MROH2A: variants seen among roughly 807,000 people sequenced by gnomAD.
The protein encoded by MROH2A is maestro heat like repeat family member 2A.
A neutral mutation model predicts 200.4 loss-of-function variants in MROH2A; 174 were observed. The ratio of observed to expected loss-of-function variants is 0.87; its 90% CI spans 0.77 to 0.98. The LOEUF is 0.98. Among genes scored for constraint, MROH2A ranks in the 50% least tolerant of loss-of-function variants. The pLI, the probability that MROH2A is intolerant of heterozygous loss-of-function variation, is 0.00. For missense variants in MROH2A, 2,045 were observed against 2,139.6 expected (o/e 0.96, Z 0.87); for synonymous variants, 829 against 840.4 (o/e 0.99, Z 0.23).
At chr2:233,778,856 G>A (rs576942389) in intron 1 of MROH2A, among the ~76,000 whole-genome samples, 2 of 152,272 alleles carry the variant, frequency 1.3e-5, no homozygotes, top group East Asian at 1.9e-4. Flanking sequence ...ATTATCTCAC[G>A]GTTCCACTGG....
chr2:233,781,855 G>C (rs1183342526), intron 3 of MROH2A, among the ~76,000 whole-genome samples: 1 of 152,148 alleles, frequency 6.6e-6, no homozygotes, highest in African/African-American at 2.4e-5. Context: ...CATAGTTTCA[G>C]GTCTTGGATT....
chr2:233,798,859 G>T lies in MROH2A; in HGVS notation c.1329+9G>T. On this transcript the variant is annotated intron_variant, in intron 12 of 41. Coordinates refer to ENST00000389758, the MANE Select transcript of MROH2A (RefSeq NM_001394639.1). ...CTGATACCCGGTCCAAGGTAACAGG[G>T]CAGAGACCTGGAAATGGGGGGCACT... is the stretch of plus-strand genomic sequence containing the variant. 2 of 1,549,126 alleles carry T rather than the reference G, an allele frequency of 1.3e-6. No individual in the cohort carries two copies. The highest frequency in any genetic ancestry group is 1.7e-6 in the Non-Finnish European group (2 of 1,145,750).
chr2:233,795,771 A>G (rs1454038824), intron 9 of MROH2A, 26 bp downstream of exon 9: 1 of 1,550,846 alleles, frequency 6.4e-7, no homozygotes, highest in Admixed American at 2.0e-5. Context: ...TCAGCTGGAC[A>G]AGGGCATTCT....
intron 11 of MROH2A, among the ~76,000 whole-genome samples, chr2:233,797,980 T>C (rs572979565): frequency 6.6e-6 from 1 of 152,364 alleles, no homozygotes; most frequent in Admixed American, 6.5e-5. Flanking sequence ...ATCTTCAAGA[T>C]GAAAACTCTC....
chr2:233,821,985 C>G (rs556258066), intron 31 of MROH2A, 139 bp from the exon 32 acceptor site: 2 of 1,028,634 alleles, frequency 1.9e-6, no homozygotes, highest in African/African-American at 3.2e-5. Flanking sequence ...CAAATTTTGG[C>G]GGCTCCCTCC....
chr2:233,818,029 A>G lies in MROH2A; in HGVS notation c.2989A>G (p.Thr997Ala), dbSNP rs953015204. The change falls in exon 28 of 42, where the codon ACA becomes GCA. Residue 997 changes from threonine (T) to alanine (A), a missense_variant. By Grantham distance (58) the Thr-to-Ala change is moderately conservative. Around this residue, in one of 3 missense-constraint regions of MROH2A, gnomAD observed 1,201 missense variants for 1,311.3 expected, o/e 0.92. Coordinates refer to ENST00000389758, the MANE Select transcript of MROH2A (RefSeq NM_001394639.1). ...CCACCTAAAGCTGGGGCAGTTTGGC[A>G]CAATGGTCGGACTCATTGCCCCGTG... ...CIHLKLGQFGTMVGLIAPCTC... is the reference protein window; with the variant it reads ...CIHLKLGQFGAMVGLIAPCTC... 2.6e-6 allele frequency: 4 copies of G among 1,551,006 alleles called. No individual in the cohort carries two copies. In the East Asian group the frequency reaches 7.3e-5, roughly 28 times the overall value.
Position 233,823,545 on chromosome 2 carries a change from C to T in MROH2A, c.4005-11C>T, listed in dbSNP as rs940012402. 6 of 1,548,950 alleles carry T rather than the reference C, an allele frequency of 3.9e-6. No individual in the cohort carries two copies. Among genetic ancestry groups the T allele is most frequent in the Non-Finnish European group, 5.2e-6 (6 of 1,146,438 alleles). On this transcript the variant is annotated splice_polypyrimidine_tract_variant and intron_variant, in intron 34 of 41. Coordinates refer to ENST00000389758, the MANE Select transcript of MROH2A (RefSeq NM_001394639.1). ...CCGCCTCCACGACCTGGCACTGTCT[C>T]TCCTCTGCAGGCTGTGCATGCAGCA...
At chr2:233,815,058 AT>A (rs1161131277) in intron 26 of MROH2A, among the ~76,000 whole-genome samples, 2 of 152,186 alleles carry the variant, frequency 1.3e-5, no homozygotes, top group Admixed American at 6.5e-5. Flanking sequence ...GATGGCCCAT[AT>A]TCAAATTTCA....
At chr2:233,790,800 GAC>G (rs1701714263) in intron 5 of MROH2A, among the ~76,000 whole-genome samples, 1 of 151,688 alleles carries the variant, frequency 6.6e-6, no homozygotes, top group South Asian at 2.1e-4. Flanking sequence ...CAATACATAA[GAC>G]ACACATGGCT....
At chr2:233,823,824 A>G (rs1216787704) in intron 35 of MROH2A, 160 bp downstream of exon 35, 7 of 922,252 alleles carry the variant, frequency 7.6e-6, no homozygotes, top group Non-Finnish European at 1.1e-5. Flanking sequence ...TCATTCATTC[A>G]TCACATGAGT....
chr2:233,804,345 G>C, intron 17 of MROH2A, 150 bp from the exon 18 acceptor site: 7 of 1,321,948 alleles, frequency 5.3e-6, no homozygotes, highest in Non-Finnish European at 7.3e-6. Flanking sequence ...GAGCAGCTTG[G>C]GAAGGTGAGG....
intron 3 of MROH2A, among the ~76,000 whole-genome samples, chr2:233,788,147 T>C (rs1015714146): frequency 9.2e-6 from 1 of 108,640 alleles, no homozygotes; most frequent in Non-Finnish European, 1.8e-5. Flanking sequence ...ATATATATAA[T>C]ATATATTTTA....
At position 233,828,796 on chromosome 2, in the gene MROH2A, T is replaced by C. The variant is rs1290251959; in HGVS notation, c.4263+17T>C. ...CCCAAGAAGGTACTGTGCCTGGCCCTGGGCCCAGGTCCCGGGAGCTGAGGG... is the reference window on the plus strand; with the variant it reads ...CCCAAGAAGGTACTGTGCCTGGCCCCGGGCCCAGGTCCCGGGAGCTGAGGG... On this transcript the variant is annotated intron_variant, in intron 36 of 41. Transcript: ENST00000389758. The surrounding 1 kb of genome is among the most constrained non-coding windows in gnomAD (Gnocchi z 4.6). 1 of 1,549,234 alleles carries C rather than the reference T, an allele frequency of 6.5e-7. No homozygotes were observed. Among genetic ancestry groups the C allele is most frequent in the South Asian group, 1.2e-5 (1 of 83,948 alleles).
chr2:233,827,948 TA>T (rs1383469090), intron 35 of MROH2A, among the ~76,000 whole-genome samples: 1 of 152,166 alleles, frequency 6.6e-6, no homozygotes, highest in Non-Finnish European at 1.5e-5. Flanking sequence ...AGTATATGTT[TA>T]AATGAATGGA....
chr2:233,787,436 TATATAC>T (rs1211611516), intron 3 of MROH2A, among the ~76,000 whole-genome samples: 1 of 134,624 alleles, frequency 7.4e-6, no homozygotes, highest in Non-Finnish European at 1.5e-5. Flanking sequence ...CACACATATG[TATATAC>T]ATATACATAT....
intron 3 of MROH2A, 102 bp from the exon 4 acceptor site, chr2:233,789,395 G>C (rs1219178996): frequency 8.6e-7 from 1 of 1,166,152 alleles, no homozygotes; most frequent in East Asian, 3.2e-5. Flanking sequence ...GTGTTTGGAG[G>C]CTGGTGGTTT....
chr2:233,800,235 G>C lies in MROH2A; in HGVS notation c.1480G>C (p.Asp494His). The C allele has an allele frequency of 6.5e-7, 1 of 1,550,100 alleles. No individual in the cohort carries two copies. The highest frequency in any genetic ancestry group is 8.7e-7 in the Non-Finnish European group (1 of 1,146,770). The change falls in exon 14 of 42, where the codon GAC becomes CAC. Residue 494 changes from aspartate (D) to histidine (H), a missense_variant. By Grantham distance (81) the Asp-to-His change is moderately conservative. This residue lies in a region of MROH2A where 831 missense variants were observed against 800.0 expected (regional missense o/e 1.04). Transcript: ENST00000389758. ...TCGCCGGGAGAAGTTTTATCAGAGG[G>C]ACTTGGAGGAGAGGATGGTCCACAA... The part of the protein sequence containing the change: ...TNRREKFYQR[D>H]LEERMVHKVT...
rs574554926 is a variant in MROH2A, at chr2:233,789,906, C to T, written c.463C>T (p.Arg155Ter). 9.4e-5 allele frequency: 145 copies of T among 1,550,406 alleles called. No homozygotes were observed. In the East Asian group the frequency reaches 1.6e-3, roughly 17 times the overall value. ...CAGCGACACACTGGTGGCTCTGTCC[C>T]GAAACCACTTCAGCTTGGTCATGTA... ...VASDTLVALSRNHFSLVMYEL... is the reference protein window; with the variant it reads ...VASDTLVALS The change falls in exon 5 of 42, where the codon CGA (arginine) becomes TGA (stop). Residue 155 changes from arginine (R) to a stop codon, truncating the protein, a stop_gained. Transcript: ENST00000389758. LOFTEE classifies it high-confidence loss of function.
Position 233,798,860 on chromosome 2 carries a change from C to T in MROH2A, c.1329+10C>T, listed in dbSNP as rs1434587705. 1.3e-6 allele frequency: 2 copies of T among 1,548,672 alleles called. No homozygotes were observed. Among genetic ancestry groups the T allele is most frequent in the Admixed American group, 3.9e-5 (2 of 50,988 alleles). On this transcript the variant is annotated intron_variant, in intron 12 of 41. Transcript: ENST00000389758. ...TGATACCCGGTCCAAGGTAACAGGG[C>T]AGAGACCTGGAAATGGGGGGCACTC...
Sources: gnomAD v4.1 joint callset for allele counts (sites outside exome capture counted in the v4.1 genomes callset) on GRCh38, gnomAD v4.1.1 for gene constraint, gnomAD v4.1.1 regional missense constraint, Gnocchi (gnomAD v3.1) non-coding constraint, MANE v1.5 for transcripts, NCBI Gene and HGNC (gene_info 2026-07-23, HGNC 2026-07-21) for gene names.